Variants in LUZP1 observed in about 807,000 individuals in gnomAD.
The protein encoded by LUZP1 is filamin mechanobinding actin cross-linking protein.
Under a neutral mutation model 71.3 loss-of-function variants are expected in LUZP1, and 25 were observed. The observed-to-expected ratio is 0.35, with a 90% CI of 0.26 to 0.49. The LOEUF is 0.49. Ranked by LOEUF, LUZP1 falls within the 20% of genes least tolerant of loss-of-function variation. The pLI is 0.99. For missense variants in LUZP1, 1,142 were observed against 1,300.8 expected (o/e 0.88, Z 1.88); for synonymous variants, 481 against 506.4 (o/e 0.95, Z 0.67).
At chr1:23,091,522 C>T (rs1335276734) in exon 4 of LUZP1, 2 of 1,614,186 alleles carry the variant, frequency 1.2e-6, no homozygotes, top group Non-Finnish European at 1.7e-6. Flanking sequence ...TGTCTGGCAT[C>T]TGAGAAGCCC....
chr1:23,122,826 T>C (rs1644140902), intron 2 of LUZP1, among the ~76,000 whole-genome samples: 1 of 152,246 alleles, frequency 6.6e-6, no homozygotes, highest in African/African-American at 2.4e-5. Context: ...ATCCTAATGC[T>C]ATGAACACAG....
chr1:23,156,284 G>T (rs533869519), intron 2 of LUZP1, among the ~76,000 whole-genome samples: 6 of 152,134 alleles, frequency 3.9e-5, no homozygotes, highest in Non-Finnish European at 7.4e-5. Flanking sequence ...GGAGGCTGAG[G>T]CAGGAGAATC....
At position 23,093,937 on chromosome 1, in the gene LUZP1, C is replaced by G; in HGVS notation, c.325G>C (p.Glu109Gln). ...ATTCGTTTCTGAAGCCGCTCAATCT[C>G]AGATTTCAGCTCCCGGGTGAGGTTT... Residue 109 changes from glutamate to glutamine, a missense_variant, in exon 4 of 5, where the codon GAG becomes CAG. Glu to Gln is a conservative substitution (Grantham distance 29). Transcript: ENST00000302291. This position sits in a 1 kb window ranked among gnomAD's most constrained non-coding sequence, Gnocchi z 4.2. The G allele has an allele frequency of 6.2e-7, 1 of 1,614,250 alleles. No individual in the cohort carries two copies. The highest frequency in any genetic ancestry group is 1.1e-5 in the South Asian group (1 of 91,084).
intron 3 of LUZP1, among the ~76,000 whole-genome samples, chr1:23,104,491 A>G (rs1485429395): frequency 1.3e-5 from 2 of 152,072 alleles, no homozygotes; most frequent in East Asian, 3.9e-4. Flanking sequence ...GCCCAATGGT[A>G]AACATCTTTT....
intron 1 of LUZP1, among the ~76,000 whole-genome samples, chr1:23,175,643 C>T (rs991307458): frequency 6.6e-6 from 1 of 152,334 alleles, no homozygotes; most frequent in African/African-American, 2.4e-5. Flanking sequence ...CATTCCTTTA[C>T]ATTTTTATGC....
exon 5 of LUZP1, chr1:23,088,674 G>A: frequency 3.9e-6 from 2 of 514,384 alleles, no homozygotes; most frequent in Middle Eastern, 5.1e-4. Context: ...GAGGACTCGT[G>A]CATTGGGGAA....
chr1:23,151,344 A>G (rs1167931350), intron 2 of LUZP1, among the ~76,000 whole-genome samples: 1 of 152,132 alleles, frequency 6.6e-6, no homozygotes, highest in African/African-American at 2.4e-5. Flanking sequence ...GCACCCAGCC[A>G]TAACTGGGTC....
intron 3 of LUZP1, among the ~76,000 whole-genome samples, chr1:23,105,410 AT>A (rs1389671685): frequency 6.6e-6 from 1 of 152,236 alleles, no homozygotes; most frequent in Non-Finnish European, 1.5e-5. Flanking sequence ...TGATACAATG[AT>A]TAAAGTTTAC....
chr1:23,105,858 T>TA (rs1384756739), intron 3 of LUZP1, among the ~76,000 whole-genome samples: 4 of 152,190 alleles, frequency 2.6e-5, no homozygotes, highest in Non-Finnish European at 4.4e-5. Flanking sequence ...CAAAGCCAGG[T>TA]AAAATTTTTT....
intron 2 of LUZP1, among the ~76,000 whole-genome samples, chr1:23,147,606 T>G (rs1359063051): frequency 9.1e-6 from 1 of 110,384 alleles, no homozygotes; most frequent in African/African-American, 3.6e-5. Flanking sequence ...AGACCCAGTC[T>G]CTACCCAAAA....
intron 2 of LUZP1, among the ~76,000 whole-genome samples, chr1:23,130,331 T>C (rs916603131): frequency 6.6e-6 from 1 of 152,170 alleles, no homozygotes; most frequent in African/African-American, 2.4e-5. Flanking sequence ...TAAACATTTG[T>C]GTATGTGTTT....
chr1:23,166,636 C>T (rs1317977358), intron 2 of LUZP1, among the ~76,000 whole-genome samples: 1 of 117,122 alleles, frequency 8.5e-6, no homozygotes, highest in East Asian at 2.5e-4. Flanking sequence ...GCCTGGGTGA[C>T]ACAGAGCACT....
At chr1:23,086,734 G>C (rs1643771765) in exon 5 of LUZP1, 1 of 152,660 alleles carries the variant, frequency 6.6e-6, no homozygotes, top group Non-Finnish European at 1.5e-5. Context: ...TGGCAGCCTT[G>C]AGTGAGCTAG....
chr1:23,164,045 C>T (rs1385500533), intron 2 of LUZP1: 2 of 152,152 alleles, frequency 1.3e-5, no homozygotes, highest in African/African-American at 4.8e-5. Flanking sequence ...ATTATAGTCA[C>T]CCCTTTGAGT....
intron 4 of LUZP1, 72 bp downstream of exon 3, chr1:23,091,118 A>C (rs1643844627): frequency 7.0e-7 from 1 of 1,428,230 alleles, no homozygotes; most frequent in Non-Finnish European, 9.4e-7. Context: ...GCCAGAGCAG[A>C]GGGGAAAAAG....
At position 23,142,607 on chromosome 1, in the gene LUZP1, C is replaced by T. The variant is rs902171153; in HGVS notation, c.-226+26159G>A. On this transcript the variant is annotated intron_variant, in intron 2 of 4. Transcript: ENST00000302291. ...GGCCAGAATTACACATTACAGCTTG[C>T]GAGAACAGAGCCCTGGTGGTCTGGC... Among the ~76,000 whole-genome samples the T allele has an allele frequency of 4.6e-5, 7 of 151,570 alleles. 1 individual carries two copies. Among genetic ancestry groups the T allele is most frequent in the Middle Eastern group, 3.4e-3 (1 of 294 alleles).
intron 2 of LUZP1, among the ~76,000 whole-genome samples, chr1:23,138,443 A>G (rs1416341455): frequency 6.6e-6 from 1 of 152,188 alleles, no homozygotes; most frequent in Non-Finnish European, 1.5e-5. Context: ...AATGTCCAGA[A>G]TAGGCAAATC....
At chr1:23,151,043 TTTTG>T (rs927689596) in intron 2 of LUZP1, among the ~76,000 whole-genome samples, 7 of 151,998 alleles carry the variant, frequency 4.6e-5, no homozygotes, top group Admixed American at 2.0e-4. Flanking sequence ...GAACTGGGTT[TTTTG>T]TTTGTTTATT....
chr1:23,127,704 T>G (rs892702755), intron 2 of LUZP1, among the ~76,000 whole-genome samples: 1 of 152,136 alleles, frequency 6.6e-6, no homozygotes, highest in Non-Finnish European at 1.5e-5. Context: ...TTTGCATTTT[T>G]AGTAGAGACG....
Sources: gnomAD v4.1 joint callset for allele counts (sites outside exome capture counted in the v4.1 genomes callset) on GRCh38, gnomAD v4.1.1 for gene constraint, Gnocchi (gnomAD v3.1) non-coding constraint, MANE v1.5 for transcripts, NCBI Gene and HGNC (gene_info 2026-07-23, HGNC 2026-07-21) for gene names.